AXDND1: variants seen among roughly 807,000 people sequenced by gnomAD.
The protein encoded by AXDND1 is axonemal dynein light chain domain containing 1, also known as axonemal dynein light chain domain-containing protein 1.
Under a neutral mutation model 137.5 loss-of-function variants are expected in AXDND1, and 110 were observed. The observed-to-expected ratio is 0.80, with a 90% CI of 0.69 to 0.94. AXDND1 has a LOEUF of 0.94. AXDND1 is among the 40% of genes least tolerant of loss of function. AXDND1 has a pLI of 0.00. For missense variants in AXDND1, 1,191 were observed against 1,169.8 expected, an observed-to-expected ratio of 1.02 and a Z score of -0.26; for synonymous variants, 414 against 399.7, an observed-to-expected ratio of 1.04 and a Z score of -0.43.
chr1:179,507,276 G>T (rs1254806133), intron 20 of AXDND1, among the ~76,000 whole-genome samples: 1 of 152,130 alleles, frequency 6.6e-6, no homozygotes, highest in Non-Finnish European at 1.5e-5. Flanking sequence ...AGGAAAACTT[G>T]CTGAACTCTA....
chr1:179,395,046 A>G, intron 10 of AXDND1, 52 bp from the exon 11 acceptor site: 1 of 1,501,454 alleles, frequency 6.7e-7, no homozygotes, highest in Non-Finnish European at 9.1e-7. Flanking sequence ...CTTGGTAGAA[A>G]CTTTTTGGAA....
At chr1:179,456,549 C>T in intron 16 of AXDND1, 1 of 779,012 alleles carries the variant, frequency 1.3e-6, no homozygotes, top group Non-Finnish European at 2.3e-6. Flanking sequence ...ATAGCCTCTG[C>T]TTCCTCCGGA....
At chr1:179,372,852 T>G (rs909996082) in intron 4 of AXDND1, among the ~76,000 whole-genome samples, 10 of 152,094 alleles carry the variant, frequency 6.6e-5, no homozygotes, top group Non-Finnish European at 1.2e-4. Context: ...CCCAGCTAAT[T>G]TTGTATTTTT....
chr1:179,537,623 A>G (rs1057109447), intron 25 of AXDND1, among the ~76,000 whole-genome samples: 1 of 152,190 alleles, frequency 6.6e-6, no homozygotes, highest in Admixed American at 6.5e-5. Flanking sequence ...TTTCTCATCA[A>G]TGTTCATCAG....
intron 11 of AXDND1, among the ~76,000 whole-genome samples, chr1:179,400,498 A>G (rs1194652652): frequency 6.6e-6 from 1 of 152,050 alleles, no homozygotes; most frequent in Admixed American, 6.6e-5. Context: ...TGGGTGCTCC[A>G]AAATCTCACA....
chr1:179,493,117 G>A (rs868204800), intron 20 of AXDND1, among the ~76,000 whole-genome samples, 166 bp downstream of exon 20: 39 of 152,018 alleles, frequency 2.6e-4, no homozygotes, highest in African/African-American at 8.2e-4. Flanking sequence ...ATGAAAAATA[G>A]GGAACATATC....
In AXDND1 at chr1:179,411,096, T is replaced by C. The variant is rs749124223; in HGVS notation, c.1110-50T>C. 3.6e-6 allele frequency: 5 copies of C among 1,400,876 alleles called. No individual in the cohort carries two copies. In the East Asian group the frequency reaches 9.7e-5, roughly 27 times the overall value. The allele number at this position is 1,400,876 out of a possible 1,614,324, so 86.8% of individuals were successfully genotyped here. A position where few individuals can be genotyped will look rare whatever the true frequency, so the allele number is the denominator to read the frequency against. On this transcript the variant is annotated intron_variant, in intron 11 of 25. Transcript: ENST00000367618. ...TTCTTTTTTAAAAAATATATGTGTC[T>C]ATATTGTTAGTATAAATTAAATGAA...
At chr1:179,504,811 TG>T (rs753482102) in intron 20 of AXDND1, among the ~76,000 whole-genome samples, 2 of 152,106 alleles carry the variant, frequency 1.3e-5, no homozygotes, top group African/African-American at 2.4e-5. Flanking sequence ...ATAAATAAAC[TG>T]GGGGAGTCTT....
At chr1:179,408,416 TGC>T (rs1653318568) in intron 11 of AXDND1, among the ~76,000 whole-genome samples, 1 of 152,052 alleles carries the variant, frequency 6.6e-6, no homozygotes, top group Non-Finnish European at 1.5e-5. Flanking sequence ...CTCACTCTGT[TGC>T]CAGGCTGGAG....
intron 20 of AXDND1, among the ~76,000 whole-genome samples, chr1:179,495,896 CTTTT>C (rs34788199): frequency 3.4e-5 from 4 of 116,434 alleles, no homozygotes; most frequent in East Asian, 2.5e-4. Context: ...GCTGAAAATT[CTTTT>C]TTTTTTTTTT....
chr1:179,465,949 C>T (rs866349175), intron 16 of AXDND1, among the ~76,000 whole-genome samples: 2 of 152,214 alleles, frequency 1.3e-5, no homozygotes, highest in Admixed American at 6.5e-5. Flanking sequence ...TCCTGGTGTG[C>T]CGTTTGCTAA....
At chr1:179,397,717 C>G (rs1651291816) in intron 11 of AXDND1, among the ~76,000 whole-genome samples, 2 of 152,158 alleles carry the variant, frequency 1.3e-5, no homozygotes, top group East Asian at 3.8e-4. Flanking sequence ...TTGTCTGACT[C>G]TCTTATTTCA....
At chr1:179,380,928 G>A (rs574833243) in intron 6 of AXDND1, among the ~76,000 whole-genome samples, 7 of 151,632 alleles carry the variant, frequency 4.6e-5, no homozygotes, top group Non-Finnish European at 8.8e-5. Context: ...GCATACACAT[G>A]CACATATTTT....
At position 179,528,402 on chromosome 1, in the gene AXDND1, C is replaced by T. The variant is rs1241816468; in HGVS notation, c.2686C>T (p.Leu896=). The change falls in exon 23 of 26, where the codon CTA becomes TTA. Residue 896 remains leucine, a synonymous_variant. Coordinates refer to ENST00000367618, the MANE Select transcript of AXDND1 (RefSeq NM_144696.6). ...AGATGAAAATGTTCATTCCAAACCTCTATTTGAAACAGATGTGTTGTCTTC... is the reference window on the plus strand; with the variant it reads ...AGATGAAAATGTTCATTCCAAACCTTTATTTGAAACAGATGTGTTGTCTTC... The part of the protein sequence containing the change: ...GEDENVHSKP[L]FETDVLSSWR... 1 of 1,613,460 alleles carries T rather than the reference C, an allele frequency of 6.2e-7. No homozygotes were observed.
intron 17 of AXDND1, among the ~76,000 whole-genome samples, chr1:179,477,436 T>C (rs894843585): frequency 6.6e-6 from 1 of 151,828 alleles, no homozygotes; most frequent in Admixed American, 6.6e-5. Flanking sequence ...TGGTGGAAGG[T>C]GAGAGGCCCA....
intron 18 of AXDND1, among the ~76,000 whole-genome samples, chr1:179,484,861 G>A (rs1665846542): frequency 6.6e-6 from 1 of 152,164 alleles, no homozygotes; most frequent in African/African-American, 2.4e-5. Context: ...CCCACAATCT[G>A]TCCTGCACTG....
intron 21 of AXDND1, among the ~76,000 whole-genome samples, chr1:179,521,758 ATTTTT>A (rs34139679): frequency 4.0e-5 from 5 of 123,622 alleles, no homozygotes; most frequent in East Asian, 2.3e-4. Context: ...TCATTCTTAC[ATTTTT>A]TTTTTTTTTT....
At chr1:179,414,912 A>G (rs1392901718) in intron 12 of AXDND1, among the ~76,000 whole-genome samples, 1 of 152,254 alleles carries the variant, frequency 6.6e-6, no homozygotes, top group Non-Finnish European at 1.5e-5. Context: ...ATAAAGTCAA[A>G]GTAACTGAGA....
At chr1:179,386,059 T>TC (rs1649160868) in intron 9 of AXDND1, among the ~76,000 whole-genome samples, 1 of 145,608 alleles carries the variant, frequency 6.9e-6, no homozygotes. Context: ...CCTTTTTTTT[T>TC]TTTTTTTTTT....
Sources: allele counts gnomAD v4.1 joint callset (sites outside exome capture counted in the v4.1 genomes callset), GRCh38; gene constraint gnomAD v4.1.1; transcripts MANE v1.5; gene names NCBI Gene and HGNC (gene_info 2026-07-23, HGNC 2026-07-21).